Variants in STX17 observed in about 807,000 individuals in gnomAD.
STX17 encodes syntaxin-17.
In STX17, 29 loss-of-function variants were observed where a neutral mutation model predicts 35.9. The ratio of observed to expected loss-of-function variants is 0.81; its 90% confidence interval spans 0.60 to 1.10. STX17 has a LOEUF of 1.10. Ranked by LOEUF, STX17 falls within the 50% of genes least tolerant of loss-of-function variation. The pLI is 0.00. For missense variants in STX17, 312 were observed against 352.3 expected (o/e 0.89, Z 0.92); for synonymous variants, 92 against 118.3 (o/e 0.78, Z 1.44).
Position 99,968,415 on chromosome 9 carries a change from A to T in STX17, c.670-19A>T, listed in dbSNP as rs1037973256. On this transcript the variant is annotated intron_variant, in intron 7 of 7. Coordinates refer to ENST00000259400, the MANE Select transcript of STX17 (RefSeq NM_017919.3). Reference sequence around the variant, plus strand: ...ATTCTCAACTCAGTTTCTAAATTGAATTTTTTTTTTTTTTACAGGCTGCAA... The same window carrying T: ...ATTCTCAACTCAGTTTCTAAATTGATTTTTTTTTTTTTTTACAGGCTGCAA... The T allele has an allele frequency of 3.7e-6, 5 of 1,349,180 alleles. No individual in the cohort carries two copies. The highest frequency in any genetic ancestry group is 3.0e-6 in the Non-Finnish European group (3 of 1,010,950). 83.6% of individuals were successfully genotyped at this position (1,349,180 alleles called of 1,614,324 possible).
intron 3 of STX17, among the ~76,000 whole-genome samples, chr9:99,941,262 A>G (rs1247318264): frequency 6.6e-6 from 1 of 152,212 alleles, no homozygotes; most frequent in Non-Finnish European, 1.5e-5. Context: ...AGGATATATG[A>G]CAAAGAAATT....
rs1358263388 is a variant in STX17, at chr9:99,951,182, A to AT, written c.315dup (p.Leu106SerfsTer12). 6.2e-7 allele frequency: 1 copy of AT among 1,613,194 alleles called. No individual in the cohort carries two copies. The highest frequency in any genetic ancestry group is 8.5e-7 in the Non-Finnish European group (1 of 1,179,284). On this transcript the variant is annotated frameshift_variant, in exon 4 of 8. Transcript: ENST00000259400. LOFTEE classifies it high-confidence loss of function. ...AAGAAGCATCAGCAGCAACAGCAGAATTTCTCCAACTCCATTTGGAATCTG... is the reference window on the plus strand; with the variant it reads ...AAGAAGCATCAGCAGCAACAGCAGAATTTTCTCCAACTCCATTTGGAATCTG...
chr9:99,916,430 T>TATTCATTC (rs551222708), intron 2 of STX17, among the ~76,000 whole-genome samples: 1 of 80,652 alleles, frequency 1.2e-5, no homozygotes, highest in Non-Finnish European at 3.4e-5. Flanking sequence ...TTTATTTATT[T>TATTCATTC]ATTCATTCAT....
rs1010167284 is a variant in STX17 at position 99,956,100 on chromosome 9, A to G, written c.416-3817A>G. The stretch of plus-strand genomic sequence containing the variant: ...GCGAGGTTTAGAGTTTTAAGTTTAC[A>G]TCAGGGTTTTTTATGGAAGAGCACA... On this transcript the variant is annotated intron_variant, in intron 4 of 7. Coordinates refer to ENST00000259400, the MANE Select transcript of STX17 (RefSeq NM_017919.3). Among the ~76,000 whole-genome samples, 3 of 152,194 alleles carry G rather than the reference A, an allele frequency of 2.0e-5. No individual in the cohort carries two copies. In the East Asian group the frequency reaches 5.8e-4, roughly 29 times the overall value.
At position 99,915,211 on chromosome 9, in the gene STX17, C is replaced by T; in HGVS notation, c.-29C>T. 2 of 1,597,878 alleles carry T rather than the reference C, an allele frequency of 1.3e-6. No individual in the cohort carries two copies. The highest frequency in any genetic ancestry group is 1.7e-4 in the Middle Eastern group (1 of 5,984). On this transcript the variant is annotated 5_prime_UTR_variant, in exon 2 of 8. Coordinates refer to ENST00000259400, the MANE Select transcript of STX17 (RefSeq NM_017919.3). ...ATATGAGTGGAGAAGACAGCTGTTA[C>T]CAGGGAGGTCATACAACATTTTTTT...
chr9:99,962,733 A>T (rs183739067), intron 6 of STX17, among the ~76,000 whole-genome samples: 4 of 152,326 alleles, frequency 2.6e-5, no homozygotes, highest in Admixed American at 2.0e-4. Flanking sequence ...GCTCTATACA[A>T]ATGTCCTGTT....
chr9:99,909,822 A>G (rs1828623889), intron 1 of STX17, among the ~76,000 whole-genome samples: 1 of 152,188 alleles, frequency 6.6e-6, no homozygotes, highest in African/African-American at 2.4e-5. Flanking sequence ...GGTGATGGAT[A>G]CCTCATTTAC....
intron 4 of STX17, among the ~76,000 whole-genome samples, chr9:99,953,839 A>G (rs1268598859): frequency 6.6e-6 from 1 of 152,022 alleles, no homozygotes; most frequent in African/African-American, 2.4e-5. Flanking sequence ...ACTTGCTTTA[A>G]TTTGCATTTT....
At chr9:99,911,066 C>T (rs543443517) in intron 1 of STX17, among the ~76,000 whole-genome samples, 14 of 151,208 alleles carry the variant, frequency 9.3e-5, no homozygotes, top group Middle Eastern at 3.4e-3. Context: ...GACGGAGTCT[C>T]GCTCTGTTGC....
chr9:99,968,467 G>T lies in STX17; in HGVS notation c.703G>T (p.Ala235Ser). The change falls in exon 8 of 8, where the codon GCA (alanine) becomes TCA (serine). Residue 235 changes from alanine (A) to serine (S), a missense_variant. Physicochemically the swap from Ala to Ser is moderately conservative, Grantham distance 99. Coordinates refer to ENST00000259400, the MANE Select transcript of STX17 (RefSeq NM_017919.3). ...ATACAAGCTGGCAGCTCTGCCTGTG[G>T]CAGGTGCACTCATCGGGGGAATGGT... ...AKYKLAALPV[A>S]GALIGGMVGG... 6.4e-7 allele frequency: 1 copy of T among 1,563,854 alleles called. No individual in the cohort carries two copies. Among genetic ancestry groups the T allele is most frequent in the African/African-American group, 1.4e-5 (1 of 72,504 alleles).
Position 99,925,709 on chromosome 9 carries a change from A to G in STX17, c.124-3069A>G, listed in dbSNP as rs542493823. ...CTTCTGGCTTGGATTGTTTCTCACA[A>G]GAAGTCTTCTGTCATTCTTATCTTT... On this transcript the variant is annotated intron_variant, in intron 2 of 7. Transcript: ENST00000259400. 8.5e-5 allele frequency among the ~76,000 whole-genome samples: 13 copies of G among 152,236 alleles called. No individual in the cohort carries two copies. The East Asian group carries it at 2.3e-3, about 27-fold the overall frequency.
chr9:99,953,584 T>C (rs1238505486), intron 4 of STX17, among the ~76,000 whole-genome samples: 1 of 152,106 alleles, frequency 6.6e-6, no homozygotes, highest in Non-Finnish European at 1.5e-5. Context: ...ATGCTTTATG[T>C]GCACATGTGG....
chr9:99,946,081 TCAAAAACAAAAACAAAAA>T (rs748830143), intron 3 of STX17, among the ~76,000 whole-genome samples: 1 of 152,128 alleles, frequency 6.6e-6, no homozygotes, highest in African/African-American at 2.4e-5. Context: ...AGACTCCATC[TCAAAAACAAAAACAAAAA>T]CAAAAACAAA....
At chr9:99,933,540 A>G (rs1023538187) in intron 3 of STX17, among the ~76,000 whole-genome samples, 2 of 152,140 alleles carry the variant, frequency 1.3e-5, no homozygotes, top group African/African-American at 4.8e-5. Context: ...GCCTGTGAAT[A>G]TGGGATATTC....
chr9:99,963,113 A>G (rs1829858413), intron 6 of STX17, among the ~76,000 whole-genome samples: 1 of 152,224 alleles, frequency 6.6e-6, no homozygotes, highest in African/African-American at 2.4e-5. Context: ...ACACTTCAAA[A>G]TGGTTAAAAT....
chr9:99,913,143 A>C (rs1432274245), intron 1 of STX17, among the ~76,000 whole-genome samples: 2 of 151,974 alleles, frequency 1.3e-5, no homozygotes. Flanking sequence ...AATGTTTTGC[A>C]ATTTCCCTTC....
At chr9:99,926,033 T>A (rs1297150226) in intron 2 of STX17, among the ~76,000 whole-genome samples, 1 of 152,066 alleles carries the variant, frequency 6.6e-6, no homozygotes, top group Non-Finnish European at 1.5e-5. Context: ...CTCTGTGTGT[T>A]TCATTTTGGA....
chr9:99,971,436 ATTGT>A lies in STX17; in HGVS notation c.*2766_*2769del, dbSNP rs1406010576. Among the ~76,000 whole-genome samples, 1 of 152,036 alleles carries A rather than the reference ATTGT, an allele frequency of 6.6e-6. No homozygotes were observed. On this transcript the variant is annotated 3_prime_UTR_variant, in exon 8 of 8. Transcript: ENST00000259400. ...AATACTTACCATTCTGATGCTTTTTATTGTTTCAGTTTTTAAAATATGCCAGTTG... is the reference window on the plus strand; with the variant it reads ...AATACTTACCATTCTGATGCTTTTTATTCAGTTTTTAAAATATGCCAGTTG...
At chr9:99,937,384 A>G (rs1034299270) in intron 3 of STX17, among the ~76,000 whole-genome samples, 1 of 152,082 alleles carries the variant, frequency 6.6e-6, no homozygotes, top group East Asian at 1.9e-4. Context: ...CCAATTACAC[A>G]TATGTTAGGT....
Sources: allele counts gnomAD v4.1 joint callset (sites outside exome capture counted in the v4.1 genomes callset), GRCh38; gene constraint gnomAD v4.1.1; transcripts MANE v1.5; gene names NCBI Gene and HGNC (gene_info 2026-07-23, HGNC 2026-07-21).